The following ZNF469 variants were observed in gnomAD, a reference collection of about 807,000 sequenced individuals.
The protein encoded by ZNF469 is zinc finger protein 469.
Under a neutral mutation model 1.0 loss-of-function variants are expected in ZNF469, and 1 was observed. The ratio of observed to expected loss-of-function variants is 1.00; its 90% CI spans 0.35 to 4.73. ZNF469 has a LOEUF of 4.73. Among genes scored for constraint, ZNF469 ranks in the 30% most tolerant of loss-of-function variants. The pLI is 0.16. For synonymous variants in ZNF469, 2,703 were observed against 2,363.4 expected (o/e 1.14, Z -4.17); for missense variants, 6,100 against 5,356.3 (o/e 1.14, Z -4.33).
At chr16:88,112,775 T>G in the ZNF469 span, among the ~76,000 whole-genome samples, 25 of 57,164 alleles carry the variant, frequency 4.4e-4, no homozygotes, top group African/African-American at 1.6e-3. Flanking sequence ...GCAGAAGCTT[T>G]TTTTTTTTTT....
At chr16:88,350,077 G>A in the ZNF469 span, among the ~76,000 whole-genome samples, 3 of 152,140 alleles carry the variant, frequency 2.0e-5, no homozygotes, top group Non-Finnish European at 2.9e-5. Flanking sequence ...GCCCAGCCCG[G>A]CAGGCACGAG....
the ZNF469 span, among the ~76,000 whole-genome samples, chr16:88,312,165 G>A: frequency 6.6e-6 from 1 of 151,176 alleles, no homozygotes; most frequent in Non-Finnish European, 1.5e-5. Flanking sequence ...GAACAGTATG[G>A]GGGAAACCAC....
At chr16:88,240,783 A>G in the ZNF469 span, among the ~76,000 whole-genome samples, 2 of 152,134 alleles carry the variant, frequency 1.3e-5, no homozygotes, top group Non-Finnish European at 2.9e-5. Context: ...GGTTTGAAGG[A>G]TGGTTGAAAA....
At chr16:88,154,966 C>A in the ZNF469 span, among the ~76,000 whole-genome samples, 2 of 152,184 alleles carry the variant, frequency 1.3e-5, no homozygotes, top group Non-Finnish European at 2.9e-5. Context: ...AGGGTTCAAC[C>A]CGTGCTTTAA....
the ZNF469 span, chr16:88,177,317 A>G: frequency 6.6e-6 from 1 of 152,202 alleles, no homozygotes; most frequent in Non-Finnish European, 1.5e-5. The surrounding 1 kb of genome is among the most constrained non-coding windows in gnomAD (Gnocchi z 4.8). Context: ...AATGCTATTT[A>G]TTGAAGGCTG....
chr16:88,265,307 C>T, the ZNF469 span, among the ~76,000 whole-genome samples: 1 of 152,198 alleles, frequency 6.6e-6, no homozygotes, highest in Non-Finnish European at 1.5e-5. Context: ...AGGCAGGAGG[C>T]CAGGGGCCTT....
the ZNF469 span, among the ~76,000 whole-genome samples, chr16:88,128,964 G>T: frequency 1.3e-5 from 2 of 152,274 alleles, no homozygotes; most frequent in Non-Finnish European, 2.9e-5. Flanking sequence ...TCGATGACTG[G>T]AAAATGCAGC....
chr16:88,122,738 G>C, the ZNF469 span, among the ~76,000 whole-genome samples: 1 of 152,162 alleles, frequency 6.6e-6, no homozygotes, highest in Non-Finnish European at 1.5e-5. Flanking sequence ...TTTTATGTGT[G>C]TGTACATAAA....
chr16:88,329,870 G>A, the ZNF469 span, among the ~76,000 whole-genome samples: 3 of 152,236 alleles, frequency 2.0e-5, no homozygotes, highest in African/African-American at 7.2e-5. Context: ...GATGGCCTCA[G>A]CCCTCAGGCC....
the ZNF469 span, among the ~76,000 whole-genome samples, chr16:88,181,493 G>A: frequency 1.3e-5 from 2 of 152,080 alleles, no homozygotes; most frequent in African/African-American, 4.8e-5. Flanking sequence ...GGCCACAACA[G>A]AATTAAGCCA....
the ZNF469 span, among the ~76,000 whole-genome samples, chr16:88,303,372 G>A: frequency 0.55 from 84,122 of 152,072 alleles, 24,705 homozygotes; most frequent in East Asian, 0.77. Context: ...CTGCACCCTC[G>A]CCAGCGCTGT....
chr16:88,219,284 G>A, the ZNF469 span, among the ~76,000 whole-genome samples: 6 of 149,384 alleles, frequency 4.0e-5, no homozygotes, highest in Middle Eastern at 3.2e-3. Flanking sequence ...AGTTCATATG[G>A]AATCAAAAAA....
the ZNF469 span, among the ~76,000 whole-genome samples, chr16:88,274,147 T>C: frequency 0.41 from 62,347 of 152,036 alleles, 13,074 homozygotes; most frequent in East Asian, 0.53. Flanking sequence ...CACATGCTAC[T>C]GCATGGACGG....
chr16:88,263,022 C>T, the ZNF469 span, among the ~76,000 whole-genome samples: 1 of 152,146 alleles, frequency 6.6e-6, no homozygotes, highest in Non-Finnish European at 1.5e-5. Flanking sequence ...GCGTGGCCCC[C>T]GGGAGAAGCA....
rs773822941 is a variant in ZNF469 at position 88,429,801 on chromosome 16, C to T, written c.2331C>T (p.Pro777=). The change falls in exon 3 of 3, where the codon CCC becomes CCT. Residue 777 remains proline (P), a synonymous_variant. Coordinates refer to ENST00000565624, the MANE Select transcript of ZNF469 (RefSeq NM_001367624.2). ...GCCCCCCTGGGCTCCCCTCGCCCCC[C>T]GCTGCCCCCAGAGTCCCTGCCGACG... The part of the protein sequence containing the change: ...SPGPPGLPSP[P]AAPRVPADAH... 10 of 1,545,336 alleles carry T rather than the reference C, an allele frequency of 6.5e-6. No individual in the cohort carries two copies. The highest frequency in any genetic ancestry group is 2.7e-5 in the African/African-American group (2 of 73,072).
the ZNF469 span, among the ~76,000 whole-genome samples, chr16:88,330,292 C>G: frequency 6.6e-6 from 1 of 152,158 alleles, no homozygotes; most frequent in African/African-American, 2.4e-5. Flanking sequence ...ATGCGAAGGC[C>G]CTTCCTAGCA....
chr16:88,439,279 G>A lies in ZNF469; in HGVS notation c.11809G>A (p.Gly3937Arg), dbSNP rs886052421. The change falls in exon 3 of 3, where the codon GGG (glycine) becomes AGG (arginine). Residue 3937 changes from glycine (G) to arginine (R), a missense_variant. Gly to Arg is a moderately radical substitution (Grantham distance 125, BLOSUM62 -2). Transcript: ENST00000565624. ...AQSDLLSQLF[G>R]QRLTGFKIPL... Reference sequence around the variant, plus strand: ...GAGTGACCTCCTCAGCCAGCTCTTCGGGCAGAGACTAACTGGCTTCAAAAT... The same window carrying A: ...GAGTGACCTCCTCAGCCAGCTCTTCAGGCAGAGACTAACTGGCTTCAAAAT... The A allele has an allele frequency of 2.5e-5, 39 of 1,550,324 alleles. No individual in the cohort carries two copies. The highest frequency in any genetic ancestry group is 1.5e-4 in the East Asian group (6 of 40,938).
chr16:88,282,404 G>A, the ZNF469 span, among the ~76,000 whole-genome samples: 1 of 152,194 alleles, frequency 6.6e-6, no homozygotes, highest in Non-Finnish European at 1.5e-5. Context: ...GTGTCTGGGT[G>A]TGGCGGGGAG....
chr16:88,170,514 A>G, the ZNF469 span, among the ~76,000 whole-genome samples: 1 of 152,164 alleles, frequency 6.6e-6, no homozygotes, highest in South Asian at 2.1e-4. This position sits in a 1 kb window ranked among gnomAD's most constrained non-coding sequence, Gnocchi z 4.2. Flanking sequence ...TAGATGCCAC[A>G]TGTAAGTGAG....
Sources: gnomAD v4.1 joint callset for allele counts (sites outside exome capture counted in the v4.1 genomes callset) on GRCh38, gnomAD v4.1.1 for gene constraint, Gnocchi (gnomAD v3.1) non-coding constraint, MANE v1.5 for transcripts, NCBI Gene and HGNC (gene_info 2026-07-23, HGNC 2026-07-21) for gene names.